TEX11: variants seen among roughly 807,000 people sequenced by gnomAD.
TEX11 encodes testis expressed 11.
TEX11 carries 7 observed loss-of-function variants against 84.4 expected under a neutral mutation model. That is an observed-to-expected ratio of 0.08 (90% CI 0.05 to 0.16). The LOEUF (loss-of-function observed/expected upper bound fraction) is 0.16, where lower values mean the gene tolerates loss of function less well. Among genes scored for constraint, TEX11 ranks in the 10% least tolerant of loss-of-function variants. TEX11 has a pLI of 1.00. For synonymous variants in TEX11, 264 were observed against 222.8 expected (o/e 1.18, Z -1.64); for missense variants, 551 against 660.5 (o/e 0.83, Z 1.82).
intron 9 of TEX11, among the ~76,000 whole-genome samples, chrX:70,761,672 A>G (rs941839796): frequency 1.8e-5 from 2 of 112,145 alleles, no homozygotes; most frequent in African/African-American, 6.5e-5. Flanking sequence ...ATGTATACCT[A>G]TGTAACAAAC....
At chrX:70,530,862 G>T (rs1372634794) in intron 28 of TEX11, among the ~76,000 whole-genome samples, 2 of 111,798 alleles carry the variant, frequency 1.8e-5, no homozygotes, top group Non-Finnish European at 3.8e-5. Flanking sequence ...GGGACACAAG[G>T]CATCCACATG....
intron 16 of TEX11, among the ~76,000 whole-genome samples, chrX:70,667,807 A>T (rs1207988218): frequency 9.0e-6 from 1 of 111,009 alleles, no homozygotes; most frequent in Admixed American, 9.6e-5. Flanking sequence ...CATGCCTGTA[A>T]TCCCAGCTAC....
At chrX:70,627,094 C>T (rs1278395697) in intron 18 of TEX11, among the ~76,000 whole-genome samples, 2 of 112,174 alleles carry the variant, frequency 1.8e-5, no homozygotes, top group African/African-American at 3.2e-5. Flanking sequence ...CTGCAATTTA[C>T]GATAAAGAGG....
At chrX:70,598,803 G>C (rs979205038) in intron 24 of TEX11, among the ~76,000 whole-genome samples, 2 of 112,067 alleles carry the variant, frequency 1.8e-5, no homozygotes, top group African/African-American at 6.5e-5. Context: ...TTTGACTTTC[G>C]TGTAAAATAT....
At chrX:70,625,621 A>C in intron 18 of TEX11, among the ~76,000 whole-genome samples, 1 of 110,554 alleles carries the variant, frequency 9.0e-6, no homozygotes, top group Non-Finnish European at 1.9e-5. Context: ...TGAATTTCCT[A>C]TAACCAGACT....
At chrX:70,777,044 A>T (rs922747180) in intron 9 of TEX11, among the ~76,000 whole-genome samples, 25 of 106,809 alleles carry the variant, frequency 2.3e-4, no homozygotes, top group Non-Finnish European at 3.5e-4. Context: ...TATTATTATT[A>T]TTATTTTTTT....
chrX:70,831,464 C>A (rs947327797), intron 8 of TEX11, among the ~76,000 whole-genome samples: 1 of 110,856 alleles, frequency 9.0e-6, no homozygotes, highest in Admixed American at 9.7e-5. Flanking sequence ...CCCATCTCTA[C>A]AAAAAAATAA....
intron 20 of TEX11, among the ~76,000 whole-genome samples, chrX:70,613,982 G>A (rs977480126): frequency 6.3e-5 from 7 of 110,967 alleles, no homozygotes; most frequent in Non-Finnish European, 1.1e-4. Context: ...ACCCAGTCCC[G>A]GAAGGATCCA....
intron 15 of TEX11, among the ~76,000 whole-genome samples, chrX:70,677,810 C>CTTTTTTTTT (rs35653618): frequency 4.7e-5 from 3 of 63,584 alleles, no homozygotes; most frequent in Non-Finnish European, 8.2e-5. Context: ...CTTTTCTTTC[C>CTTTTTTTTT]TTTTTTTTTT....
At chrX:70,771,328 A>G (rs1304254389) in intron 9 of TEX11, among the ~76,000 whole-genome samples, 1 of 112,304 alleles carries the variant, frequency 8.9e-6, no homozygotes, top group Non-Finnish European at 1.9e-5. Context: ...CTCATTTATT[A>G]TGGTCAATGT....
chrX:70,841,735 A>G (rs1403445919), intron 7 of TEX11, among the ~76,000 whole-genome samples: 1 of 111,897 alleles, frequency 8.9e-6, no homozygotes, highest in Non-Finnish European at 1.9e-5. Context: ...GACCGCTAGC[A>G]AGACTAATAA....
At chrX:70,813,640 G>A (rs2091270362) in intron 8 of TEX11, among the ~76,000 whole-genome samples, 1 of 111,357 alleles carries the variant, frequency 9.0e-6, no homozygotes, top group Admixed American at 9.6e-5. Flanking sequence ...ATCCAATTAG[G>A]AAAAGAGGAA....
At chrX:70,802,529 G>A (rs866507952) in intron 9 of TEX11, among the ~76,000 whole-genome samples, 3 of 110,757 alleles carry the variant, frequency 2.7e-5, no homozygotes, top group African/African-American at 9.8e-5. Context: ...ATACCTCAAC[G>A]AAGCTTGAGG....
At chrX:70,533,383 T>C (rs979273255) in intron 28 of TEX11, among the ~76,000 whole-genome samples, 1 of 111,968 alleles carries the variant, frequency 8.9e-6, no homozygotes, top group African/African-American at 3.2e-5. Context: ...GTTGCAGATA[T>C]GGATTGGAAC....
At chrX:70,521,591 T>C in the TEX11 span, among the ~76,000 whole-genome samples, 3 of 111,654 alleles carry the variant, frequency 2.7e-5, no homozygotes, top group African/African-American at 9.8e-5. Context: ...AATTCTTTAC[T>C]TGTCTTGCTG....
intron 27 of TEX11, 137 bp from the exon 28 acceptor site, chrX:70,552,383 C>T: frequency 2.6e-6 from 2 of 755,107 alleles, no homozygotes; most frequent in South Asian, 7.4e-5. Context: ...TTTATCTGGC[C>T]TCCAACCTCA....
chrX:70,710,217 T>C (rs1165159434), intron 13 of TEX11, among the ~76,000 whole-genome samples: 3 of 111,543 alleles, frequency 2.7e-5, no homozygotes, highest in African/African-American at 9.8e-5. Context: ...CCAATACGCA[T>C]AAGGAATTAA....
chrX:70,662,533 C>T (rs1389417308), intron 16 of TEX11, among the ~76,000 whole-genome samples: 9 of 110,459 alleles, frequency 8.1e-5, no homozygotes, highest in Admixed American at 2.9e-4. Context: ...AGATACTCCT[C>T]GAGAAGAGCA....
chrX:70,592,641 G>A (rs1269806177), intron 24 of TEX11, among the ~76,000 whole-genome samples: 1 of 111,288 alleles, frequency 9.0e-6, no homozygotes, highest in Non-Finnish European at 1.9e-5. Context: ...GCTGGGAGCA[G>A]CAAGCCAAGA....
Sources: gnomAD v4.1 joint callset for allele counts (sites outside exome capture counted in the v4.1 genomes callset) on GRCh38, gnomAD v4.1.1 for gene constraint, MANE v1.5 for transcripts, NCBI Gene and HGNC (gene_info 2026-07-23, HGNC 2026-07-21) for gene names.